Variants in VLDLR observed in about 807,000 individuals in gnomAD.
The protein encoded by VLDLR is very low-density lipoprotein receptor.
VLDLR carries 81 observed loss-of-function variants against 112.7 expected under a neutral mutation model. The ratio of observed to expected loss-of-function variants is 0.72; its 90% CI spans 0.60 to 0.86. VLDLR has a LOEUF of 0.86. Among genes scored for constraint, VLDLR ranks in the 40% least tolerant of loss-of-function variants. The pLI, the probability that VLDLR is intolerant of heterozygous loss-of-function variation, is 0.00. For missense variants in VLDLR, 1,237 were observed against 1,099.4 expected, an observed-to-expected ratio of 1.13 and a Z score of -1.77; for synonymous variants, 436 against 384.8, an observed-to-expected ratio of 1.13 and a Z score of -1.56.
In VLDLR at chr9:2,652,749, G is replaced by A; in HGVS notation, c.2417-31G>A. The stretch of plus-strand genomic sequence containing the variant: ...CTTGTATGTTCCAATACTAGACTTA[G>A]CTCACTTAGCTACCCTCTGATTTTT... On this transcript the variant is annotated intron_variant, in intron 17 of 18. Transcript: ENST00000382100. 3.1e-6 allele frequency: 5 copies of A among 1,613,856 alleles called. No individual in the cohort carries two copies. In the South Asian group the frequency reaches 5.5e-5, roughly 18 times the overall value.
At chr9:2,652,711 C>G in intron 17 of VLDLR, 69 bp from the exon 18 acceptor site, 1 of 1,592,102 alleles carries the variant, frequency 6.3e-7, no homozygotes, top group Non-Finnish European at 8.6e-7. Flanking sequence ...GATTCCTGAA[C>G]GTTATTACCT....
intron 1 of VLDLR, 23 bp from the exon 2 acceptor site, chr9:2,635,430 C>G: frequency 6.2e-7 from 1 of 1,613,610 alleles, no homozygotes; most frequent in East Asian, 2.2e-5. Context: ...CTTGCTTTAC[C>G]GAATGTTCCC....
intron 5 of VLDLR, 42 bp downstream of exon 5, chr9:2,643,573 G>GT (rs1563758632): frequency 1.2e-6 from 2 of 1,614,170 alleles, no homozygotes; most frequent in Non-Finnish European, 8.5e-7. Context: ...TCTCTTCCCT[G>GT]TATCAACTGG....
chr9:2,631,435 G>A (rs1817346138), intron 1 of VLDLR, among the ~76,000 whole-genome samples: 1 of 152,108 alleles, frequency 6.6e-6, no homozygotes, highest in African/African-American at 2.4e-5. Flanking sequence ...TAATGAAAGG[G>A]TAAAGAAAAT....
chr9:2,648,097 A>C, intron 12 of VLDLR, 111 bp from the exon 13 acceptor site: 1 of 1,481,878 alleles, frequency 6.7e-7, no homozygotes, highest in Admixed American at 1.8e-5. Flanking sequence ...CCGTTAAGAA[A>C]CCCTGCTGGG....
intron 14 of VLDLR, among the ~76,000 whole-genome samples, chr9:2,649,872 T>C (rs992555367): frequency 1.1e-4 from 16 of 152,328 alleles, no homozygotes; most frequent in South Asian, 6.2e-4. Flanking sequence ...ACACCTGATA[T>C]AGGATTGTGT....
intron 12 of VLDLR, chr9:2,647,877 C>T (rs754679238): frequency 7.0e-6 from 4 of 570,548 alleles, no homozygotes; most frequent in African/African-American, 5.6e-5. Flanking sequence ...GGCATGAGTG[C>T]CTTAGCATTT....
At chr9:2,640,108 C>G (rs1817763403) in intron 3 of VLDLR, 127 bp downstream of exon 3, 2 of 1,466,846 alleles carry the variant, frequency 1.4e-6, no homozygotes, top group South Asian at 2.3e-5. Flanking sequence ...GGTCAATTGA[C>G]TCCAAGGGCA....
At position 2,647,595 on chromosome 9, in the gene VLDLR, A is replaced by G. The variant is rs779325744; in HGVS notation, c.1822+3A>G. ...GTGGCCTAACGGAATTACACTTGGT[A>G]TGTATGTTCTTCCTTCTCGACCACC... On this transcript the variant is annotated splice_donor_region_variant and intron_variant, in intron 12 of 18. Coordinates refer to ENST00000382100, the MANE Select transcript of VLDLR (RefSeq NM_003383.5). 3.1e-6 allele frequency: 5 copies of G among 1,610,384 alleles called. No individual in the cohort carries two copies. The Admixed American group carries it at 6.7e-5, about 21-fold the overall frequency.
At chr9:2,626,742 GA>G (rs1817107880) in intron 1 of VLDLR, among the ~76,000 whole-genome samples, 3 of 151,934 alleles carry the variant, frequency 2.0e-5, no homozygotes, top group African/African-American at 7.3e-5. Flanking sequence ...GGGATGGGGG[GA>G]CTTGCAATTT....
chr9:2,623,995 A>T (rs1260416983), intron 1 of VLDLR, among the ~76,000 whole-genome samples: 2 of 152,206 alleles, frequency 1.3e-5, no homozygotes, highest in Non-Finnish European at 2.9e-5. Flanking sequence ...AAGGTATACC[A>T]GAAGGAGGGA....
chr9:2,622,986 G>A (rs1310687042), intron 1 of VLDLR, among the ~76,000 whole-genome samples: 1 of 152,224 alleles, frequency 6.6e-6, no homozygotes, highest in African/African-American at 2.4e-5. Context: ...GAAACCGCTC[G>A]GGTCTCCCGT....
intron 16 of VLDLR, 147 bp downstream of exon 16, chr9:2,651,645 A>C (rs1478663328): frequency 2.2e-6 from 2 of 910,092 alleles, no homozygotes; most frequent in Non-Finnish European, 3.4e-6. Context: ...TAAAACTTGC[A>C]TATCTTTTCC....
chr9:2,624,762 G>T (rs1164513024), intron 1 of VLDLR, among the ~76,000 whole-genome samples: 1 of 152,182 alleles, frequency 6.6e-6, no homozygotes, highest in East Asian at 1.9e-4. Context: ...ACCAATGAAG[G>T]TATGACGATG....
chr9:2,646,620 CT>C, intron 11 of VLDLR, 68 bp downstream of exon 11: 1 of 1,383,830 alleles, frequency 7.2e-7, no homozygotes, highest in Middle Eastern at 2.2e-4. Flanking sequence ...TTTCTCATAC[CT>C]GAATTAGTAC....
At position 2,641,498 on chromosome 9, in the gene VLDLR, T is replaced by C; in HGVS notation, c.447T>C (p.Cys149=). ...DCDSGEDEEN[C]GNITCSPDEF... is the part of the protein sequence containing the mutation. ...ACAGTGGAGAAGATGAAGAAAACTGTGGTAAGAAGATCAGTGTTGAGTGAC... is the reference window on the plus strand; with the variant it reads ...ACAGTGGAGAAGATGAAGAAAACTGCGGTAAGAAGATCAGTGTTGAGTGAC... Residue 149 remains cysteine, a splice_region_variant and synonymous_variant, in exon 4 of 19, where the codon TGT becomes TGC. Transcript: ENST00000382100. The C allele has an allele frequency of 6.2e-7, 1 of 1,614,054 alleles. No homozygotes were observed. Among genetic ancestry groups the C allele is most frequent in the Non-Finnish European group, 8.5e-7 (1 of 1,179,988 alleles).
chr9:2,641,360 C>G lies in VLDLR; in HGVS notation c.326-17C>G, dbSNP rs768566762. On this transcript the variant is annotated splice_polypyrimidine_tract_variant and intron_variant, in intron 3 of 18. Transcript: ENST00000382100. ...GATCAGTTCTGAGGCTCTTTTGAGA[C>G]TGTATATCATCAACAGATATGAGAA... The G allele has an allele frequency of 1.9e-6, 3 of 1,613,974 alleles. No homozygotes were observed. In the South Asian group the frequency reaches 3.3e-5, roughly 18 times the overall value.
Position 2,643,409 on chromosome 9 carries a change from C to T in VLDLR, c.698C>T (p.Pro233Leu). 1 of 1,614,160 alleles carries T rather than the reference C, an allele frequency of 6.2e-7. No individual in the cohort carries two copies. Among genetic ancestry groups the T allele is most frequent in the East Asian group, 2.2e-5 (1 of 44,870 alleles). ...DESLEQCGRQPVIHTKCPASE... is the reference protein window; with the variant it reads ...DESLEQCGRQLVIHTKCPASE... ...TCCCTGGAGCAGTGTGGCCGTCAGC[C>T]AGTCATACACACCAAGTGTCCAGCC... Residue 233 changes from proline to leucine, a missense_variant, in exon 5 of 19, where the codon CCA becomes CTA. Pro to Leu is a moderately conservative substitution (Grantham distance 98). Transcript: ENST00000382100.
Position 2,656,968 on chromosome 9 carries a change from A to T in VLDLR, c.*3100A>T, listed in dbSNP as rs1053844646. 1.8e-4 allele frequency: 27 copies of T among 147,128 alleles called. No homozygotes were observed. The highest frequency in any genetic ancestry group is 3.4e-4 in the Non-Finnish European group (23 of 67,272). 9.1% of individuals were successfully genotyped at this position (147,128 alleles called of 1,614,324 possible). A position where few individuals can be genotyped will look rare whatever the true frequency, so the allele number is the denominator to read the frequency against. ...AAAAAAAAAAAAAAAAAAAAAAAAA[A>T]AATTGAGGCTTTCACTTTGGCATTT... On this transcript the variant is annotated 3_prime_UTR_variant, in exon 19 of 19. Transcript: ENST00000382100.
Sources: allele counts gnomAD v4.1 joint callset (sites outside exome capture counted in the v4.1 genomes callset), GRCh38; gene constraint gnomAD v4.1.1; transcripts MANE v1.5; gene names NCBI Gene and HGNC (gene_info 2026-07-23, HGNC 2026-07-21).